Variants in KCTD10 observed in about 807,000 individuals in gnomAD.
The protein encoded by KCTD10 is potassium channel tetramerization domain containing 10, also known as BTB/POZ domain-containing adapter for CUL3-mediated RhoA degradation protein 3.
KCTD10 carries 13 observed loss-of-function variants against 34.6 expected under a neutral mutation model. The ratio of observed to expected loss-of-function variants is 0.38; its 90% CI spans 0.24 to 0.60. KCTD10 has a LOEUF of 0.60. Ranked by LOEUF, KCTD10 falls within the 20% of genes least tolerant of loss-of-function variation. The pLI, the probability that KCTD10 is intolerant of heterozygous loss-of-function variation, is 0.66. For synonymous variants in KCTD10, 156 were observed against 168.8 expected, an observed-to-expected ratio of 0.92 and a Z score of 0.59; for missense variants, 256 against 420.3, an observed-to-expected ratio of 0.61 and a Z score of 3.42.
intron 6 of KCTD10, 141 bp downstream of exon 6, chr12:109,455,977 A>T: frequency 1.2e-6 from 1 of 831,538 alleles, no homozygotes; most frequent in Non-Finnish European, 1.9e-6. Context: ...CCTAAAAGAT[A>T]AATATTTTAA....
At chr12:109,475,383 G>A (rs1390506649) in intron 1 of KCTD10, among the ~76,000 whole-genome samples, 1 of 152,128 alleles carries the variant, frequency 6.6e-6, no homozygotes, top group Non-Finnish European at 1.5e-5. Flanking sequence ...AGACTGCGGT[G>A]GGAGGACTGC....
At position 109,460,958 on chromosome 12, in the gene KCTD10, A is replaced by G. The variant is rs1156967429; in HGVS notation, c.218-153T>C. On this transcript the variant is annotated intron_variant, in intron 2 of 6. Coordinates refer to ENST00000228495, the MANE Select transcript of KCTD10 (RefSeq NM_031954.5). The surrounding 1 kb of genome is among the most constrained non-coding windows in gnomAD (Gnocchi z 4.5). ...GCCTCACCTGCCTACCTGCCCACTAAGGGCTGAGGAAGCCCCCACAGCCTC... is the reference window on the plus strand; with the variant it reads ...GCCTCACCTGCCTACCTGCCCACTAGGGGCTGAGGAAGCCCCCACAGCCTC... 1.3e-5 allele frequency among the ~76,000 whole-genome samples: 2 copies of G among 152,190 alleles called. No individual in the cohort carries two copies. The highest frequency in any genetic ancestry group is 2.9e-5 in the Non-Finnish European group (2 of 68,030).
rs1872673824 is a variant in KCTD10 at position 109,449,834 on chromosome 12, AC to A, written c.*1760del. The A allele has an allele frequency of 2.6e-5, 4 of 153,946 alleles. No homozygotes were observed. Among genetic ancestry groups the A allele is most frequent in the Non-Finnish European group, 2.9e-5 (2 of 69,296 alleles). The allele number at this position is 153,946 out of a possible 1,614,324, so 9.5% of individuals were successfully genotyped here. A position where few individuals can be genotyped will look rare whatever the true frequency, so the allele number is the denominator to read the frequency against. Reference sequence around the variant, plus strand: ...GACAGGGTTGGTGTTTAACACTTAAACAGTATAAAATATTTACGAAACATTT... The same window carrying A: ...GACAGGGTTGGTGTTTAACACTTAAAAGTATAAAATATTTACGAAACATTT... On this transcript the variant is annotated 3_prime_UTR_variant, in exon 7 of 7. Coordinates refer to ENST00000228495, the MANE Select transcript of KCTD10 (RefSeq NM_031954.5).
In KCTD10 at chr12:109,477,282, G is replaced by A. The variant is rs760171800; in HGVS notation, c.-20C>T. The A allele has an allele frequency of 1.9e-5, 31 of 1,613,862 alleles. No individual in the cohort carries two copies. The South Asian group carries it at 2.7e-4, about 14-fold the overall frequency. ...TACCATGAAAAGTCGGAGGACGCAG[G>A]AGTCTCCAAACCCGGACTGAGAGAG... On this transcript the variant is annotated 5_prime_UTR_variant, in exon 1 of 7. Transcript: ENST00000228495.
intron 2 of KCTD10, chr12:109,464,900 G>C (rs952679396): frequency 2.2e-6 from 1 of 454,378 alleles, no homozygotes; most frequent in Non-Finnish European, 4.4e-6. Flanking sequence ...ATCTAAGGAA[G>C]TAGAAGATGC....
At chr12:109,456,511 C>T in intron 5 of KCTD10, 198 bp from the exon 6 acceptor site, 1 of 615,286 alleles carries the variant, frequency 1.6e-6, no homozygotes, top group South Asian at 1.9e-5. Flanking sequence ...TAGGTAATTG[C>T]TCAAGGCTGA....
chr12:109,476,101 G>A (rs1248272508), intron 1 of KCTD10, among the ~76,000 whole-genome samples: 1 of 152,140 alleles, frequency 6.6e-6, no homozygotes, highest in Admixed American at 6.5e-5. Context: ...CCCTTGCAGG[G>A]CTTGTTAAAA....
At chr12:109,466,884 G>A (rs1347076329) in intron 2 of KCTD10, among the ~76,000 whole-genome samples, 1 of 152,260 alleles carries the variant, frequency 6.6e-6, no homozygotes, top group African/African-American at 2.4e-5. Context: ...CCAGGGTAGA[G>A]CTGCAGGATG....
chr12:109,470,226 T>C (rs1372802759), intron 1 of KCTD10: 18 of 986,168 alleles, frequency 1.8e-5, no homozygotes, highest in Non-Finnish European at 2.2e-5. Flanking sequence ...GTGTCATTTT[T>C]CAGCTGCATC....
At chr12:109,470,057 C>T in intron 1 of KCTD10, 11 of 1,143,350 alleles carry the variant, frequency 9.6e-6, no homozygotes, top group African/African-American at 1.6e-5. Flanking sequence ...GTCGACCCTG[C>T]AGGCACAAGG....
chr12:109,458,826 C>T (rs1731108012), intron 3 of KCTD10: 1 of 152,264 alleles, frequency 6.6e-6, no homozygotes. Context: ...GGAACACCAC[C>T]TGCTTCCCCC....
chr12:109,452,760 A>C (rs190356611), intron 6 of KCTD10, among the ~76,000 whole-genome samples: 44 of 152,262 alleles, frequency 2.9e-4, no homozygotes, highest in Non-Finnish European at 5.0e-4. Context: ...CCAGGACAGA[A>C]GACCTCCAGA....
At chr12:109,471,930 T>C (rs1480521035) in intron 1 of KCTD10, among the ~76,000 whole-genome samples, 1 of 152,150 alleles carries the variant, frequency 6.6e-6, no homozygotes, top group East Asian at 1.9e-4. Context: ...ATATGTGATA[T>C]GAAGGATTTT....
At chr12:109,456,560 C>A in intron 5 of KCTD10, 1 of 517,600 alleles carries the variant, frequency 1.9e-6, no homozygotes, top group East Asian at 3.5e-5. Context: ...AAAGACAGCC[C>A]TGGCCCCTAA....
At chr12:109,469,016 A>G (rs75991931) in intron 2 of KCTD10, 2,413 of 153,234 alleles carry the variant, frequency 0.016, 75 homozygotes, top group Admixed American at 0.07. Context: ...GTGTGTGTGT[A>G]TATCTATCTA....
chr12:109,467,490 T>G (rs1475901351), intron 2 of KCTD10, among the ~76,000 whole-genome samples: 2 of 152,032 alleles, frequency 1.3e-5, no homozygotes, highest in Non-Finnish European at 2.9e-5. Context: ...TGTTTGGTGG[T>G]GCATGCCTGT....
chr12:109,466,235 C>A (rs1873579340), intron 2 of KCTD10, among the ~76,000 whole-genome samples: 1 of 152,194 alleles, frequency 6.6e-6, no homozygotes, highest in Non-Finnish European at 1.5e-5. Context: ...CTAAGACCTG[C>A]TTCTCTGTAG....
intron 2 of KCTD10, among the ~76,000 whole-genome samples, chr12:109,463,211 A>C (rs949206005): frequency 3.3e-5 from 5 of 152,220 alleles, no homozygotes; most frequent in Non-Finnish European, 7.3e-5. Flanking sequence ...CTGCTTGGGA[A>C]GACCCAGGGC....
At chr12:109,471,332 C>T in intron 1 of KCTD10, 1 of 985,464 alleles carries the variant, frequency 1.0e-6, no homozygotes, top group South Asian at 4.7e-5. Context: ...TCCCCAACTC[C>T]ATGGCACCCA....
Sources: allele counts gnomAD v4.1 joint callset (sites outside exome capture counted in the v4.1 genomes callset), GRCh38; gene constraint gnomAD v4.1.1; non-coding constraint Gnocchi (gnomAD v3.1); transcripts MANE v1.5; gene names NCBI Gene and HGNC (gene_info 2026-07-23, HGNC 2026-07-21).